Variants in SLC10A7 observed in about 807,000 individuals in gnomAD.
SLC10A7 encodes solute carrier family 10 member 7.
A neutral mutation model predicts 43.2 loss-of-function variants in SLC10A7; 29 were observed. The ratio of observed to expected loss-of-function variants is 0.67; its 90% CI spans 0.50 to 0.92. The LOEUF is 0.92. Ranked by LOEUF, SLC10A7 falls within the 40% of genes least tolerant of loss-of-function variation. SLC10A7 has a pLI of 0.00. For synonymous variants in SLC10A7, 152 were observed against 144.8 expected, an observed-to-expected ratio of 1.05 and a Z score of -0.35; for missense variants, 295 against 403.2, an observed-to-expected ratio of 0.73 and a Z score of 2.30.
chr4:146,515,076 G>A (rs1467491763), intron 2 of SLC10A7: 1 of 701,220 alleles, frequency 1.4e-6, no homozygotes, highest in East Asian at 2.7e-5. Context: ...AATGCTGACA[G>A]CTGTGGCATT....
rs570568052 is a variant in SLC10A7 at position 146,424,435 on chromosome 4, C to T, written c.435+18348G>A. ...CAGCACTTTAGGAAGCCAAGGCAGGCGGACCACCTGAGGTCAGGAGTTAGA... is the reference window on the plus strand; with the variant it reads ...CAGCACTTTAGGAAGCCAAGGCAGGTGGACCACCTGAGGTCAGGAGTTAGA... On this transcript the variant is annotated intron_variant, in intron 5 of 11. Transcript: ENST00000335472. Among the ~76,000 whole-genome samples the T allele has an allele frequency of 1.4e-4, 22 of 152,150 alleles. No individual in the cohort carries two copies. In the South Asian group the frequency reaches 1.9e-3, roughly 13 times the overall value.
intron 4 of SLC10A7, among the ~76,000 whole-genome samples, chr4:146,476,164 T>C (rs1200058690): frequency 6.6e-6 from 1 of 152,116 alleles, no homozygotes; most frequent in African/African-American, 2.4e-5. Context: ...AATCTATGAA[T>C]GAGGAAGGTA....
intron 6 of SLC10A7, among the ~76,000 whole-genome samples, chr4:146,315,258 C>T (rs550306313): frequency 6.6e-6 from 1 of 152,212 alleles, no homozygotes; most frequent in East Asian, 1.9e-4. Context: ...AGCCCTATCG[C>T]CTCTTCATCT....
chr4:146,292,616 A>G (rs531103102), intron 9 of SLC10A7, among the ~76,000 whole-genome samples: 65 of 152,328 alleles, frequency 4.3e-4, no homozygotes, highest in Non-Finnish European at 6.9e-4. Context: ...TAGGGTTCAA[A>G]CTCAGTTAAA....
At chr4:146,427,429 A>T (rs1158236132) in intron 5 of SLC10A7, among the ~76,000 whole-genome samples, 1 of 151,972 alleles carries the variant, frequency 6.6e-6, no homozygotes, top group Non-Finnish European at 1.5e-5. Flanking sequence ...TTTTTATTCA[A>T]TTTTTTTTAA....
chr4:146,504,012 C>A lies in SLC10A7; in HGVS notation c.321-88G>T, dbSNP rs539844340. On this transcript the variant is annotated intron_variant, in intron 3 of 11. Transcript: ENST00000335472. ...TTCATTCTAAAATAGCAAGGCTGAG[C>A]AAATGAATATAAGGGCATATTTATT... 6.1e-5 allele frequency: 68 copies of A among 1,119,834 alleles called. No individual in the cohort carries two copies. The African/African-American group carries it at 9.8e-4, about 16-fold the overall frequency. The allele number at this position is 1,119,834 out of a possible 1,614,324, so 69.4% of individuals were successfully genotyped here. A position where few individuals can be genotyped will look rare whatever the true frequency, so the allele number is the denominator to read the frequency against.
At chr4:146,276,329 T>A (rs1729203993) in intron 10 of SLC10A7, among the ~76,000 whole-genome samples, 1 of 152,142 alleles carries the variant, frequency 6.6e-6, no homozygotes, top group African/African-American at 2.4e-5. Context: ...CAGTGAAAAT[T>A]TTCTGTTAGA....
chr4:146,345,792 A>G (rs916817562), intron 5 of SLC10A7, among the ~76,000 whole-genome samples: 1 of 152,148 alleles, frequency 6.6e-6, no homozygotes, highest in Non-Finnish European at 1.5e-5. Context: ...TGCTTGGGAC[A>G]TAATAGGGGC....
Position 146,445,914 on chromosome 4 carries a change from T to TGC in SLC10A7, c.397-3095_397-3094dup, listed in dbSNP as rs769453452. ...TTCTGTGTGTGTGTGTGTGTGTGTG[T>TGC]GCACGTGCGCACGCGCGTGCACGGG... On this transcript the variant is annotated intron_variant, in intron 4 of 11. Transcript: ENST00000335472. Among the ~76,000 whole-genome samples the TGC allele has an allele frequency of 9.3e-5, 14 of 151,122 alleles. 1 individual carries two copies. The highest frequency in any genetic ancestry group is 3.9e-4 in the Admixed American group (6 of 15,244).
At chr4:146,439,593 G>A (rs1307075148) in intron 5 of SLC10A7, among the ~76,000 whole-genome samples, 5 of 152,000 alleles carry the variant, frequency 3.3e-5, no homozygotes, top group South Asian at 4.1e-4. Flanking sequence ...AAACATTCAT[G>A]ACAAAGCTTC....
chr4:146,401,379 A>C (rs1739214075), intron 5 of SLC10A7, among the ~76,000 whole-genome samples: 1 of 152,302 alleles, frequency 6.6e-6, no homozygotes. Context: ...GCAAAAATGA[A>C]ATACAAAAGG....
At chr4:146,391,933 T>C (rs772921171) in intron 5 of SLC10A7, among the ~76,000 whole-genome samples, 2 of 152,222 alleles carry the variant, frequency 1.3e-5, no homozygotes, top group African/African-American at 2.4e-5. Flanking sequence ...GAACTCCCTA[T>C]TTCATTATGC....
At chr4:146,293,876 C>G in intron 8 of SLC10A7, 54 bp downstream of exon 8, 2 of 1,299,402 alleles carry the variant, frequency 1.5e-6, no homozygotes, top group East Asian at 4.7e-5. Flanking sequence ...CAGTGCTACG[C>G]GTTGCTATTG....
At chr4:146,400,508 G>T (rs928763079) in intron 5 of SLC10A7, among the ~76,000 whole-genome samples, 3 of 152,112 alleles carry the variant, frequency 2.0e-5, no homozygotes, top group African/African-American at 7.2e-5. Flanking sequence ...AGGATGAAAA[G>T]CAGGATCTCG....
chr4:146,442,755 A>G, intron 5 of SLC10A7, 28 bp downstream of exon 5: 2 of 1,602,052 alleles, frequency 1.2e-6, no homozygotes, highest in Non-Finnish European at 1.7e-6. Context: ...AAAAGTTGTA[A>G]TAGACAAGTT....
At chr4:146,483,637 T>C (rs978477793) in intron 4 of SLC10A7, among the ~76,000 whole-genome samples, 15 of 151,994 alleles carry the variant, frequency 9.9e-5, no homozygotes, top group African/African-American at 3.6e-4. Flanking sequence ...ACCTTGAATG[T>C]AAATGGATTA....
intron 3 of SLC10A7, among the ~76,000 whole-genome samples, chr4:146,508,894 A>C (rs1328532662): frequency 6.6e-6 from 1 of 152,206 alleles, no homozygotes; most frequent in Non-Finnish European, 1.5e-5. Context: ...AAGGCTCTAC[A>C]TACCTCATTC....
In SLC10A7 at chr4:146,283,250, G is replaced by A. The variant is rs1053822897; in HGVS notation, c.789C>T (p.Phe263=). The change falls in exon 10 of 12, where the codon TTC becomes TTT. Residue 263 remains phenylalanine, a synonymous_variant. Transcript: ENST00000335472. ...TGATAGCCACTGTGTCTGCTGGTGT[G>A]AAACCCGAATTATTCCTAGGGGCAA... ...FIFSTRNNSG[F]TPADTVAIIF... is the part of the protein sequence containing the mutation. 3.1e-6 allele frequency: 5 copies of A among 1,613,344 alleles called. No individual in the cohort carries two copies. The highest frequency in any genetic ancestry group is 3.4e-6 in the Non-Finnish European group (4 of 1,179,508).
At chr4:146,517,361 G>A (rs1738111711) in intron 1 of SLC10A7, among the ~76,000 whole-genome samples, 1 of 152,098 alleles carries the variant, frequency 6.6e-6, no homozygotes. Flanking sequence ...CTCCTTGGGA[G>A]GCTGAGTGGG....
Sources: allele counts gnomAD v4.1 joint callset (sites outside exome capture counted in the v4.1 genomes callset), GRCh38; gene constraint gnomAD v4.1.1; transcripts MANE v1.5; gene names NCBI Gene and HGNC (gene_info 2026-07-23, HGNC 2026-07-21).